MDGA2: variants seen among roughly 807,000 people sequenced by gnomAD.
MDGA2 encodes MAM domain containing glycosylphosphatidylinositol anchor 2.
Under a neutral mutation model 117.8 loss-of-function variants are expected in MDGA2, and 40 were observed. The observed-to-expected ratio is 0.34, with a 90% confidence interval of 0.26 to 0.44. The LOEUF is 0.44. Among genes scored for constraint, MDGA2 ranks in the 20% least tolerant of loss-of-function variants. The pLI is 1.00. For synonymous variants in MDGA2, 452 were observed against 439.0 expected (o/e 1.03, Z -0.37); for missense variants, 1,123 against 1,250.6 (o/e 0.90, Z 1.54).
rs570297211 is a variant in MDGA2, at chr14:47,482,496, C to T, written c.281-180946G>A. Among the ~76,000 whole-genome samples, 34 of 152,152 alleles carry T rather than the reference C, an allele frequency of 2.2e-4. No homozygotes were observed. The South Asian group carries it at 6.4e-3, about 29-fold the overall frequency. On this transcript the variant is annotated intron_variant, in intron 1 of 16. Coordinates refer to ENST00000399232, the MANE Select transcript of MDGA2 (RefSeq NM_001113498.3). ...TTCACCGGGCTTCAGCTGCCTCATTCAGCACAGAGAGCAATGGACTAGAGT... is the reference window on the plus strand; with the variant it reads ...TTCACCGGGCTTCAGCTGCCTCATTTAGCACAGAGAGCAATGGACTAGAGT...
At chr14:46,918,800 GC>G (rs1175577393) in intron 10 of MDGA2, among the ~76,000 whole-genome samples, 1 of 112,446 alleles carries the variant, frequency 8.9e-6, no homozygotes, top group Non-Finnish European at 1.7e-5. Flanking sequence ...TTTTTCTGTT[GC>G]CCAGAGCTGG....
chr14:47,079,381 A>G (rs1890615799), intron 6 of MDGA2, among the ~76,000 whole-genome samples: 1 of 152,124 alleles, frequency 6.6e-6, no homozygotes, highest in African/African-American at 2.4e-5. Context: ...CATTACTTCA[A>G]CCTTTTAGAT....
At chr14:47,441,929 A>T (rs2138549668) in intron 1 of MDGA2, among the ~76,000 whole-genome samples, 1 of 152,284 alleles carries the variant, frequency 6.6e-6, no homozygotes, top group African/African-American at 2.4e-5. Flanking sequence ...CAACAGAACA[A>T]ATATTTTCCT....
At position 47,596,259 on chromosome 14, in the gene MDGA2, T is replaced by A. The variant is rs537374564; in HGVS notation, c.280+78258A>T. 4.6e-5 allele frequency among the ~76,000 whole-genome samples: 7 copies of A among 152,296 alleles called. No homozygotes were observed. In the South Asian group the frequency reaches 1.5e-3, roughly 32 times the overall value. ...GGAAGCCAAAACACATACAGTTTTGTTCTAGTAATTCTAGAGTCAAGAAGT... is the reference window on the plus strand; with the variant it reads ...GGAAGCCAAAACACATACAGTTTTGATCTAGTAATTCTAGAGTCAAGAAGT... On this transcript the variant is annotated intron_variant, in intron 1 of 16. Coordinates refer to ENST00000399232, the MANE Select transcript of MDGA2 (RefSeq NM_001113498.3).
At chr14:47,503,639 C>A (rs1016347189) in intron 1 of MDGA2, among the ~76,000 whole-genome samples, 1 of 152,018 alleles carries the variant, frequency 6.6e-6, no homozygotes. Flanking sequence ...CTCTTGACCT[C>A]GTGATCTGCC....
chr14:47,009,925 C>T (rs1451814483), intron 8 of MDGA2, among the ~76,000 whole-genome samples: 1 of 151,972 alleles, frequency 6.6e-6, no homozygotes, highest in Non-Finnish European at 1.5e-5. Context: ...ATTTCTAGCC[C>T]TCTGAATCTT....
At chr14:47,312,433 T>G (rs1223716064) in intron 1 of MDGA2, among the ~76,000 whole-genome samples, 1 of 152,130 alleles carries the variant, frequency 6.6e-6, no homozygotes, top group East Asian at 1.9e-4. Context: ...ATATACTTCA[T>G]TCTCCTGAAT....
At chr14:46,881,461 A>G (rs1882456266) in intron 11 of MDGA2, among the ~76,000 whole-genome samples, 1 of 152,186 alleles carries the variant, frequency 6.6e-6, no homozygotes, top group South Asian at 2.1e-4. Context: ...CAAAATCCAT[A>G]TAACTGCACA....
intron 1 of MDGA2, among the ~76,000 whole-genome samples, chr14:47,505,710 T>G (rs367776261): frequency 1.3e-5 from 2 of 152,182 alleles, no homozygotes; most frequent in Non-Finnish European, 2.9e-5. Flanking sequence ...TCTTGCAACA[T>G]TAATACAAAA....
chr14:47,594,716 T>C (rs927289176), intron 1 of MDGA2, among the ~76,000 whole-genome samples: 1 of 152,218 alleles, frequency 6.6e-6, no homozygotes, highest in African/African-American at 2.4e-5. Context: ...CCATTCCCAC[T>C]AGGCCTAGTT....
intron 5 of MDGA2, among the ~76,000 whole-genome samples, chr14:47,098,604 G>T (rs992784014): frequency 6.6e-6 from 1 of 151,692 alleles, no homozygotes; most frequent in Non-Finnish European, 1.5e-5. Flanking sequence ...TCTGAAAATA[G>T]ATATTATACT....
intron 8 of MDGA2, among the ~76,000 whole-genome samples, chr14:47,019,824 G>A (rs550525153): frequency 2.0e-5 from 3 of 147,722 alleles, no homozygotes; most frequent in Non-Finnish European, 4.5e-5. Context: ...GGGCGACAGA[G>A]CGAGAGTCCG....
At chr14:47,034,805 T>C (rs1346976620) in intron 8 of MDGA2, among the ~76,000 whole-genome samples, 1 of 151,614 alleles carries the variant, frequency 6.6e-6, no homozygotes, top group African/African-American at 2.4e-5. Context: ...TATAAGCTCA[T>C]GCAAAAAGCA....
intron 3 of MDGA2, among the ~76,000 whole-genome samples, chr14:47,156,732 A>G (rs576820879): frequency 6.6e-6 from 1 of 152,210 alleles, no homozygotes; most frequent in Admixed American, 6.5e-5. Context: ...ATTGGATGTC[A>G]TCTTTTTCTC....
At chr14:47,094,057 G>C (rs542258421) in intron 6 of MDGA2, among the ~76,000 whole-genome samples, 2 of 152,150 alleles carry the variant, frequency 1.3e-5, no homozygotes, top group African/African-American at 4.8e-5. Flanking sequence ...TTCCTTAACT[G>C]AATTTCTTGA....
chr14:46,996,911 G>T (rs1887315779), intron 8 of MDGA2: 5 of 366,332 alleles, frequency 1.4e-5, no homozygotes, highest in Admixed American at 9.9e-5. Flanking sequence ...TAACAGCAAG[G>T]GAGAGCACCT....
chr14:46,915,832 A>T (rs1883877499), intron 10 of MDGA2, among the ~76,000 whole-genome samples: 1 of 152,112 alleles, frequency 6.6e-6, no homozygotes, highest in African/African-American at 2.4e-5. Flanking sequence ...CATCAGAATT[A>T]CTTGGGACAC....
At chr14:47,663,905 G>A (rs1281482148) in intron 1 of MDGA2, among the ~76,000 whole-genome samples, 2 of 152,026 alleles carry the variant, frequency 1.3e-5, no homozygotes, top group East Asian at 3.9e-4. Flanking sequence ...TAGTCTTGAA[G>A]ACTATTAAGA....
intron 8 of MDGA2, among the ~76,000 whole-genome samples, chr14:46,982,223 G>C (rs1312652562): frequency 6.6e-6 from 1 of 152,094 alleles, no homozygotes; most frequent in Non-Finnish European, 1.5e-5. Context: ...GAAAAGACTA[G>C]TATGGTAACC....
Sources: allele counts gnomAD v4.1 joint callset (sites outside exome capture counted in the v4.1 genomes callset), GRCh38; gene constraint gnomAD v4.1.1; transcripts MANE v1.5; gene names NCBI Gene and HGNC (gene_info 2026-07-23, HGNC 2026-07-21).